The following GRIP1 variants were observed in gnomAD, a reference collection of about 807,000 sequenced individuals.
GRIP1 encodes glutamate receptor interacting protein 1.
GRIP1 carries 45 observed loss-of-function variants against 129.9 expected under a neutral mutation model. The ratio of observed to expected loss-of-function variants is 0.35; its 90% CI spans 0.27 to 0.44. The LOEUF is 0.44. GRIP1 is among the 20% of genes least tolerant of loss of function. The pLI is 1.00. For synonymous variants in GRIP1, 530 were observed against 520.8 expected (o/e 1.02, Z -0.24); for missense variants, 1,196 against 1,396.8 (o/e 0.86, Z 2.29).
At chr12:66,933,198 C>T (rs1444111634) in intron 1 of GRIP1, among the ~76,000 whole-genome samples, 1 of 152,186 alleles carries the variant, frequency 6.6e-6, no homozygotes, top group Non-Finnish European at 1.5e-5. Flanking sequence ...CAAACTGAGG[C>T]TGGCACCACT....
intron 1 of GRIP1, among the ~76,000 whole-genome samples, chr12:67,053,543 T>A (rs1298311296): frequency 2.0e-5 from 3 of 152,138 alleles, no homozygotes; most frequent in Admixed American, 6.5e-5. Context: ...CTTTAAAACA[T>A]CATGTGTATC....
chr12:66,791,276 T>C (rs2038525606), intron 1 of GRIP1, among the ~76,000 whole-genome samples: 1 of 152,154 alleles, frequency 6.6e-6, no homozygotes, highest in African/African-American at 2.4e-5. Context: ...AGAAGTAGCC[T>C]CTATCTTCAG....
At chr12:66,578,831 G>A (rs953736419) in intron 2 of GRIP1, among the ~76,000 whole-genome samples, 1 of 152,208 alleles carries the variant, frequency 6.6e-6, no homozygotes, top group Admixed American at 6.5e-5. Flanking sequence ...TCGGGGCAGG[G>A]CACAGACAAA....
intron 1 of GRIP1, among the ~76,000 whole-genome samples, chr12:66,816,454 T>C (rs531461739): frequency 3.8e-4 from 58 of 152,190 alleles, no homozygotes; most frequent in Non-Finnish European, 8.1e-4. Flanking sequence ...CAAAATTTAA[T>C]TTTCTTCTCA....
chr12:66,468,702 T>C (rs1290639015), intron 7 of GRIP1, among the ~76,000 whole-genome samples: 1 of 151,562 alleles, frequency 6.6e-6, no homozygotes, highest in Admixed American at 6.6e-5. Context: ...ATGGCCTGTA[T>C]ATTTGCCAAA....
At chr12:66,901,088 A>AT (rs2040836934) in intron 1 of GRIP1, among the ~76,000 whole-genome samples, 1 of 152,216 alleles carries the variant, frequency 6.6e-6, no homozygotes, top group African/African-American at 2.4e-5. Flanking sequence ...CTTCCAAATT[A>AT]TTTTTAAGTT....
chr12:66,517,109 G>A (rs1565817662), intron 6 of GRIP1, among the ~76,000 whole-genome samples: 1 of 152,012 alleles, frequency 6.6e-6, no homozygotes, highest in Non-Finnish European at 1.5e-5. Context: ...AGTTTATCCT[G>A]GTCTGAAACA....
chr12:66,367,420 G>C (rs145273548), intron 23 of GRIP1, among the ~76,000 whole-genome samples: 27 of 152,282 alleles, frequency 1.8e-4, no homozygotes, highest in African/African-American at 6.3e-4. Flanking sequence ...CCACTGAAAA[G>C]GTTGCTAAAA....
intron 1 of GRIP1, among the ~76,000 whole-genome samples, chr12:66,766,058 G>GT (rs1353298228): frequency 6.6e-6 from 1 of 152,098 alleles, no homozygotes; most frequent in Non-Finnish European, 1.5e-5. Flanking sequence ...TGTGGCTCTT[G>GT]TTTTTTTCCT....
intron 1 of GRIP1, among the ~76,000 whole-genome samples, chr12:66,654,160 C>T (rs895830097): frequency 6.6e-6 from 1 of 151,832 alleles, no homozygotes; most frequent in Non-Finnish European, 1.5e-5. Context: ...GAATAGAATC[C>T]CTAGCAGTGA....
At chr12:67,058,215 G>A (rs2043470913) in intron 1 of GRIP1, among the ~76,000 whole-genome samples, 2 of 152,102 alleles carry the variant, frequency 1.3e-5, no homozygotes, top group South Asian at 4.1e-4. Flanking sequence ...TATCATCATT[G>A]CTTTTTTAAT....
intron 19 of GRIP1, among the ~76,000 whole-genome samples, chr12:66,388,569 C>T (rs1411962892): frequency 6.6e-6 from 1 of 152,176 alleles, no homozygotes; most frequent in Admixed American, 6.5e-5. Context: ...GCAAGGAGGC[C>T]AAATGCCTAA....
chr12:66,750,980 G>T (rs2037108404), intron 1 of GRIP1, among the ~76,000 whole-genome samples: 1 of 152,036 alleles, frequency 6.6e-6, no homozygotes, highest in Non-Finnish European at 1.5e-5. Flanking sequence ...ATATTCTAAG[G>T]TTGCTATAAC....
chr12:66,589,194 T>TTCTCTCTCTCTCTCTCTC (rs10582806), intron 2 of GRIP1, among the ~76,000 whole-genome samples: 17 of 95,606 alleles, frequency 1.8e-4, no homozygotes, highest in African/African-American at 7.7e-4. Context: ...CTCCCCCACC[T>TTCTCTCTCTCTCTCTCTC]TCTCTCTCTC....
intron 2 of GRIP1, among the ~76,000 whole-genome samples, chr12:66,551,492 T>G (rs2062129291): frequency 6.6e-6 from 1 of 152,162 alleles, no homozygotes. Context: ...CAAGTATTGC[T>G]TAGCAAATTA....
chr12:66,868,065 TCTCA>T (rs1267515412), intron 1 of GRIP1, among the ~76,000 whole-genome samples: 1 of 152,214 alleles, frequency 6.6e-6, no homozygotes, highest in South Asian at 2.1e-4. Flanking sequence ...ACATACTTAA[TCTCA>T]CTTATGGGCT....
chr12:66,473,243 C>T (rs1347032763), intron 7 of GRIP1, among the ~76,000 whole-genome samples: 3 of 152,136 alleles, frequency 2.0e-5, no homozygotes, highest in Admixed American at 6.5e-5. Flanking sequence ...CACTGCAGCT[C>T]GGCAAAGCTG....
intron 2 of GRIP1, among the ~76,000 whole-genome samples, chr12:66,595,366 A>G (rs11176305): frequency 0.043 from 6,501 of 152,304 alleles, 178 homozygotes; most frequent in East Asian, 0.11. Flanking sequence ...ATGTGTTGTC[A>G]TTTAGAATGT....
chr12:66,868,022 C>T (rs1050830835), intron 1 of GRIP1, among the ~76,000 whole-genome samples: 6 of 151,998 alleles, frequency 3.9e-5, no homozygotes, highest in South Asian at 2.1e-4. Flanking sequence ...TGGGAAGTAA[C>T]GATTGATAAA....
Sources: allele counts gnomAD v4.1 joint callset (sites outside exome capture counted in the v4.1 genomes callset), GRCh38; gene constraint gnomAD v4.1.1; transcripts MANE v1.5; gene names NCBI Gene and HGNC (gene_info 2026-07-23, HGNC 2026-07-21).